BABAM2: variants seen among roughly 807,000 people sequenced by gnomAD.
BABAM2 encodes BRISC and BRCA1 A complex member 2, also known as BRISC and BRCA1-A complex member 2.
Under a neutral mutation model 54.7 loss-of-function variants are expected in BABAM2, and 31 were observed. The observed-to-expected ratio is 0.57, with a 90% CI of 0.43 to 0.77. The LOEUF is 0.77. Ranked by LOEUF, BABAM2 falls within the 30% of genes least tolerant of loss-of-function variation. BABAM2 has a pLI of 0.00. For synonymous variants in BABAM2, 167 were observed against 162.9 expected (o/e 1.03, Z -0.19); for missense variants, 364 against 455.8 (o/e 0.80, Z 1.83).
chr2:27,890,348 C>T, upstream of BABAM2: 1 of 1,612,924 alleles, frequency 6.2e-7, no homozygotes, highest in Admixed American at 1.7e-5. This position sits in a 1 kb window ranked among gnomAD's most constrained non-coding sequence, Gnocchi z 4.8. Context: ...GCCGCCATCG[C>T]TCAAAGGTGC....
At chr2:28,094,160 T>A (rs1016216301) in intron 6 of BABAM2, among the ~76,000 whole-genome samples, 4 of 152,144 alleles carry the variant, frequency 2.6e-5, no homozygotes, top group African/African-American at 9.7e-5. Context: ...TAATAAAAAA[T>A]TTAAAATAAC....
At chr2:28,137,248 G>C (rs879366769) in intron 7 of BABAM2, among the ~76,000 whole-genome samples, 6 of 152,156 alleles carry the variant, frequency 3.9e-5, no homozygotes, top group Admixed American at 6.5e-5. Flanking sequence ...GTTTTCTCGA[G>C]TCACTGAGAT....
intron 7 of BABAM2, among the ~76,000 whole-genome samples, chr2:28,234,230 A>G (rs754303727): frequency 1.3e-5 from 2 of 151,820 alleles, no homozygotes; most frequent in Non-Finnish European, 2.9e-5. Flanking sequence ...GATACTTCCC[A>G]CCTCTTTGAA....
chr2:27,897,454 AG>A (rs2148266322), intron 2 of BABAM2, among the ~76,000 whole-genome samples: 1 of 152,278 alleles, frequency 6.6e-6, no homozygotes, highest in East Asian at 1.9e-4. Context: ...CCATTTTGCT[AG>A]TGTTAGGTTA....
intron 10 of BABAM2, among the ~76,000 whole-genome samples, chr2:28,289,168 G>A (rs1045550031): frequency 1.3e-5 from 2 of 151,760 alleles, no homozygotes; most frequent in African/African-American, 2.4e-5. Context: ...TATCATAGAC[G>A]TCCTGTGGGT....
At chr2:28,306,994 C>CG (rs1558517386) in intron 11 of BABAM2, among the ~76,000 whole-genome samples, 9 of 73,100 alleles carry the variant, frequency 1.2e-4, no homozygotes, top group Admixed American at 5.3e-4. Context: ...CCACACCTGG[C>CG]CTTTTTTTTT....
At chr2:28,004,480 A>T (rs562924609) in intron 4 of BABAM2, among the ~76,000 whole-genome samples, 6 of 152,300 alleles carry the variant, frequency 3.9e-5, no homozygotes, top group African/African-American at 1.4e-4. Flanking sequence ...AACATTTATG[A>T]AGAAACCAGA....
rs751515360 is a variant in BABAM2 at position 28,129,249 on chromosome 2, G to T, written c.571-22G>T. The stretch of plus-strand genomic sequence containing the variant: ...TGTTAGGAGAACAGGTGCTGATGTT[G>T]TGTTTTCACTTCTTGTTTAAGGATG... On this transcript the variant is annotated intron_variant, in intron 6 of 11. Coordinates refer to ENST00000379624, the MANE Select transcript of BABAM2 (RefSeq NM_199191.3). 5.0e-6 allele frequency: 8 copies of T among 1,584,740 alleles called. No individual in the cohort carries two copies. In the South Asian group the frequency reaches 7.7e-5, roughly 15 times the overall value.
In BABAM2 at chr2:28,329,969, A is replaced by G. The variant is rs1303131711; in HGVS notation, c.1089-8481A>G. Among the ~76,000 whole-genome samples, 1 of 152,218 alleles carries G rather than the reference A, an allele frequency of 6.6e-6. No individual in the cohort carries two copies. The highest frequency in any genetic ancestry group is 1.5e-5 in the Non-Finnish European group (1 of 68,040). ...GCAGACTGAATCCAGCAGCACATCAAAAAGCTTATCCACCACAATCAAGTC... is the reference window on the plus strand; with the variant it reads ...GCAGACTGAATCCAGCAGCACATCAGAAAGCTTATCCACCACAATCAAGTC... On this transcript the variant is annotated intron_variant, in intron 11 of 11. Coordinates refer to ENST00000379624, the MANE Select transcript of BABAM2 (RefSeq NM_199191.3). This position sits in a 1 kb window ranked among gnomAD's most constrained non-coding sequence, Gnocchi z 4.2.
At chr2:27,936,712 A>G (rs914598068) in intron 3 of BABAM2, among the ~76,000 whole-genome samples, 3 of 150,824 alleles carry the variant, frequency 2.0e-5, no homozygotes, top group African/African-American at 7.3e-5. Flanking sequence ...AAAGCCAAAC[A>G]CCGCATGTTC....
At chr2:27,984,239 A>C in intron 3 of BABAM2, among the ~76,000 whole-genome samples, 1 of 152,002 alleles carries the variant, frequency 6.6e-6, no homozygotes, top group East Asian at 1.9e-4. Flanking sequence ...TTGCTCTGTT[A>C]ACTTTTTGAT....
chr2:27,902,000 G>A (rs184445999), intron 2 of BABAM2, among the ~76,000 whole-genome samples: 1 of 152,168 alleles, frequency 6.6e-6, no homozygotes, highest in East Asian at 1.9e-4. Flanking sequence ...GATATTTACA[G>A]GTTTGGTTCT....
At chr2:28,286,434 A>G (rs1425662594) in intron 10 of BABAM2, among the ~76,000 whole-genome samples, 6 of 152,124 alleles carry the variant, frequency 3.9e-5, no homozygotes, top group South Asian at 2.1e-4. Flanking sequence ...ATGTGTTCAG[A>G]GCACTCCACA....
intron 10 of BABAM2, among the ~76,000 whole-genome samples, chr2:28,289,908 C>T (rs981466696): frequency 1.3e-5 from 2 of 152,066 alleles, no homozygotes; most frequent in African/African-American, 2.4e-5. Context: ...CCTGAGTGCC[C>T]CTCCAAAATG....
rs1036149495 is a variant in BABAM2 at position 28,009,123 on chromosome 2, A to C, written c.301-16103A>C. Among the ~76,000 whole-genome samples, 5 of 152,154 alleles carry C rather than the reference A, an allele frequency of 3.3e-5. No individual in the cohort carries two copies. In the East Asian group the frequency reaches 9.6e-4, roughly 29 times the overall value. Reference sequence around the variant, plus strand: ...CAATGAGAAAATTCATCGGAAAAGTAAGTGTTCTGGGTTTTGCCTGCTATG... The same window carrying C: ...CAATGAGAAAATTCATCGGAAAAGTCAGTGTTCTGGGTTTTGCCTGCTATG... On this transcript the variant is annotated intron_variant, in intron 4 of 11. Transcript: ENST00000379624.
At chr2:27,999,751 G>T (rs564052069) in intron 4 of BABAM2, among the ~76,000 whole-genome samples, 8 of 152,198 alleles carry the variant, frequency 5.3e-5, no homozygotes, top group African/African-American at 1.7e-4. Flanking sequence ...TCCTGAAATA[G>T]TTACGAACTT....
intron 7 of BABAM2, among the ~76,000 whole-genome samples, chr2:28,152,325 C>T (rs1573695716): frequency 6.6e-6 from 1 of 152,204 alleles, no homozygotes; most frequent in African/African-American, 2.4e-5. Context: ...CACTGCTATC[C>T]TCTGGCAGCT....
chr2:28,294,662 A>G (rs1238714759), intron 10 of BABAM2, among the ~76,000 whole-genome samples: 1 of 152,216 alleles, frequency 6.6e-6, no homozygotes, highest in African/African-American at 2.4e-5. Context: ...AAAAATGTGA[A>G]GTATTTCTCA....
chr2:28,140,515 A>G (rs889948746), intron 7 of BABAM2, among the ~76,000 whole-genome samples: 1 of 152,230 alleles, frequency 6.6e-6, no homozygotes, highest in Non-Finnish European at 1.5e-5. Flanking sequence ...GTATATCACA[A>G]AGAGTAAATT....
Sources: gnomAD v4.1 joint callset for allele counts (sites outside exome capture counted in the v4.1 genomes callset) on GRCh38, gnomAD v4.1.1 for gene constraint, Gnocchi (gnomAD v3.1) non-coding constraint, MANE v1.5 for transcripts, NCBI Gene and HGNC (gene_info 2026-07-23, HGNC 2026-07-21) for gene names.